Variants in ZFP64 observed in about 807,000 individuals in gnomAD.
ZFP64 encodes the protein zinc finger protein 64.
A neutral mutation model predicts 51.6 loss-of-function variants in ZFP64; 14 were observed. The observed-to-expected ratio is 0.27, with a 90% CI of 0.18 to 0.42. The LOEUF (loss-of-function observed/expected upper bound fraction) is 0.42. Ranked by LOEUF, ZFP64 falls within the 10% of genes least tolerant of loss-of-function variation. The probability of loss-of-function intolerance (pLI) is 1.00; values close to 1 mark genes in which losing one functional copy is unlikely to be tolerated. For missense variants in ZFP64, 754 were observed against 906.8 expected (o/e 0.83, Z 2.16); for synonymous variants, 375 against 361.4 (o/e 1.04, Z -0.43).
In ZFP64 at chr20:52,085,060, G is replaced by A. The variant is rs371226164; in HGVS notation, c.1435C>T (p.Arg479Trp). 1.9e-6 allele frequency: 3 copies of A among 1,614,192 alleles called. No homozygotes were observed. The highest frequency in any genetic ancestry group is 1.7e-6 in the Non-Finnish European group (2 of 1,180,020). ...CGGCTGTGCTCCAGGAGGTCAGCCC[G>A]GTCCCGGCCCTGGAAGGCACAGTGC... The change falls in exon 9 of 9, where the codon CGG becomes TGG. Residue 479 changes from arginine (R) to tryptophan (W), a missense_variant. Coordinates refer to the ZFP64 transcript ENST00000361387. This position sits in a 1 kb window ranked among gnomAD's most constrained non-coding sequence, Gnocchi z 4.3.
intron 1 of ZFP64, among the ~76,000 whole-genome samples, chr20:52,188,560 G>T (rs936738703): frequency 1.3e-4 from 20 of 150,964 alleles, no homozygotes; most frequent in Non-Finnish European, 2.2e-4. Flanking sequence ...TGATCTGCCC[G>T]CCTCAGCCTC....
At chr20:52,155,504 T>A (rs1981244789) in intron 5 of ZFP64, among the ~76,000 whole-genome samples, 1 of 152,320 alleles carries the variant, frequency 6.6e-6, no homozygotes, top group Non-Finnish European at 1.5e-5. Flanking sequence ...GTCAAAATTA[T>A]AGTGACAGTC....
At chr20:52,119,520 T>TAA (rs11409645) in intron 5 of ZFP64, among the ~76,000 whole-genome samples, 2,123 of 100,186 alleles carry the variant, frequency 0.021, 53 homozygotes, top group African/African-American at 0.049. Context: ...AGACTTCATC[T>TAA]AAAAAAAAAA....
intron 5 of ZFP64, among the ~76,000 whole-genome samples, chr20:52,099,671 A>G (rs893116255): frequency 1.3e-5 from 2 of 152,230 alleles, no homozygotes; most frequent in African/African-American, 4.8e-5. Context: ...ATGTTGAAAC[A>G]TTTACAAGTT....
Position 52,108,596 on chromosome 20 carries a change from C to A in ZFP64, c.764-10009G>T, listed in dbSNP as rs1600714892. Among the ~76,000 whole-genome samples, 2 of 151,850 alleles carry A rather than the reference C, an allele frequency of 1.3e-5. 1 individual carries two copies. The highest frequency in any genetic ancestry group is 1.3e-4 in the Admixed American group (2 of 15,240). On this transcript the variant is annotated intron_variant, in intron 5 of 8. Coordinates refer to the ZFP64 transcript ENST00000361387. ...CAATCTCAGCTCACTGCAACCTCCA[C>A]CTCCTGGGTTCAAGCAATTCTCCTT...
At chr20:52,104,415 G>C (rs1408291745) in intron 5 of ZFP64, among the ~76,000 whole-genome samples, 1 of 152,180 alleles carries the variant, frequency 6.6e-6, no homozygotes, top group Admixed American at 6.5e-5. Flanking sequence ...AGCCGAGGAG[G>C]GGGTGTGGGG....
At chr20:52,161,590 T>C (rs1470339501) in intron 4 of ZFP64, among the ~76,000 whole-genome samples, 1 of 152,128 alleles carries the variant, frequency 6.6e-6, no homozygotes, top group Non-Finnish European at 1.5e-5. Context: ...TATTTCACTG[T>C]ATGGATGTGC....
intron 5 of ZFP64, among the ~76,000 whole-genome samples, chr20:52,139,407 A>G (rs1980143628): frequency 6.6e-6 from 1 of 152,144 alleles, no homozygotes; most frequent in Non-Finnish European, 1.5e-5. Context: ...GGAACAGAAA[A>G]CCGAACACCA....
In ZFP64 at chr20:52,085,118, CGATTTGA is replaced by C; in HGVS notation, c.1370_1376del (p.Leu457ArgfsTer117). On this transcript the variant is annotated frameshift_variant, in exon 9 of 9. Transcript: ENST00000361387. LOFTEE classifies it high-confidence loss of function. The surrounding 1 kb of genome is among the most constrained non-coding windows in gnomAD (Gnocchi z 4.3). Reference sequence around the variant, plus strand: ...TGAAGGTGTGCTTGATGCGGATGTGCGATTTGAGATTCGCCTTCATGGTGCAGCGGAC... The same window carrying C: ...TGAAGGTGTGCTTGATGCGGATGTGCGATTCGCCTTCATGGTGCAGCGGAC... The C allele has an allele frequency of 6.2e-7, 1 of 1,614,226 alleles. No individual in the cohort carries two copies. Among genetic ancestry groups the C allele is most frequent in the Non-Finnish European group, 8.5e-7 (1 of 1,180,052 alleles).
chr20:52,162,799 T>A (rs4811304), intron 4 of ZFP64, among the ~76,000 whole-genome samples: 39,875 of 152,018 alleles, frequency 0.26, 5,418 homozygotes, highest in Admixed American at 0.31. Context: ...AGCTCAGTGG[T>A]TTTTGGCCAG....
chr20:52,160,424 G>A lies in ZFP64; in HGVS notation c.512-50C>T, dbSNP rs1981693254. Reference sequence around the variant, plus strand: ...GGCAGCAGGAAACAAGATTAAAAAAGGAAAAGGCTTATTTCCCACTGCCTT... The same window carrying A: ...GGCAGCAGGAAACAAGATTAAAAAAAGAAAAGGCTTATTTCCCACTGCCTT... On this transcript the variant is annotated intron_variant, in intron 4 of 5. Transcript: ENST00000216923. The surrounding 1 kb of genome is among the most constrained non-coding windows in gnomAD (Gnocchi z 4.2). 6.5e-7 allele frequency: 1 copy of A among 1,548,358 alleles called. No individual in the cohort carries two copies. The highest frequency in any genetic ancestry group is 2.3e-5 in the East Asian group (1 of 44,218).
chr20:52,152,295 C>A lies in ZFP64; in HGVS notation c.1897G>T (p.Asp633Tyr). The A allele has an allele frequency of 6.2e-7, 1 of 1,614,160 alleles. No individual in the cohort carries two copies. ...GCCACTGCGATGTTCTGGCCTCCAT[C>A]GCTCACCACTGTCACTTCTGCTGTC... ...EGTAEVTVVS[D>Y]GGQNIAVATT... Residue 633 changes from aspartate (D) to tyrosine (Y), a missense_variant, in exon 6 of 6, where the codon GAT becomes TAT. Asp to Tyr is a radical substitution (Grantham distance 160). Coordinates refer to ENST00000216923, the MANE Select transcript of ZFP64 (RefSeq NM_018197.3).
intron 6 of ZFP64, chr20:52,098,318 G>A (rs150010159): frequency 1.4e-6 from 2 of 1,394,314 alleles, no homozygotes; most frequent in Non-Finnish European, 2.0e-6. Context: ...TGCTGATGTA[G>A]ATACTGGCAT....
intron 2 of ZFP64, chr20:52,175,863 C>G (rs1983162123): frequency 1.3e-5 from 5 of 375,832 alleles, no homozygotes; most frequent in South Asian, 1.1e-4. Flanking sequence ...CCCCCGCTGC[C>G]GCCCCCGCCC....
intron 5 of ZFP64, among the ~76,000 whole-genome samples, chr20:52,131,176 AAAG>A (rs1176721176): frequency 2.0e-5 from 3 of 151,560 alleles, no homozygotes; most frequent in Non-Finnish European, 4.4e-5. Flanking sequence ...GAAGGAAAGA[AAAG>A]AAAGGGAGGA....
chr20:52,102,486 T>C (rs116107509), intron 5 of ZFP64, among the ~76,000 whole-genome samples: 1,640 of 152,222 alleles, frequency 0.011, 31 homozygotes, highest in African/African-American at 0.038. Context: ...TTTCAGCTCA[T>C]TGGAACCCAC....
chr20:52,130,819 T>C (rs12480406), intron 5 of ZFP64, among the ~76,000 whole-genome samples: 28,772 of 152,048 alleles, frequency 0.19, 3,114 homozygotes, highest in Admixed American at 0.26. Flanking sequence ...CTCATGCCTG[T>C]AATCTCAGCA....
Position 52,191,532 on chromosome 20 carries a change from C to CGGGCCCCGGAGCGCGCACT in ZFP64, c.46+40_46+58dup, listed in dbSNP as rs1169717074. 8.2e-5 allele frequency: 122 copies of CGGGCCCCGGAGCGCGCACT among 1,491,306 alleles called. No homozygotes were observed. The highest frequency in any genetic ancestry group is 2.9e-4 in the South Asian group (23 of 78,514). The allele number at this position is 1,491,306 out of a possible 1,614,324, so 92.4% of individuals were successfully genotyped here. A position where few individuals can be genotyped will look rare whatever the true frequency, so the allele number is the denominator to read the frequency against. On this transcript the variant is annotated intron_variant, in intron 1 of 5. Coordinates refer to ENST00000216923, the MANE Select transcript of ZFP64 (RefSeq NM_018197.3). The surrounding 1 kb of genome is among the most constrained non-coding windows in gnomAD (Gnocchi z 4.3). ...GCTGCGTCGCAGACGTGCTTGGGCCCGGGCCCCGGAGCGCGCACTGGGCCC... is the reference window on the plus strand; with the variant it reads ...GCTGCGTCGCAGACGTGCTTGGGCCCGGGCCCCGGAGCGCGCACTGGGCCCCGGAGCGCGCACTGGGCCC...
chr20:52,166,602 G>T (rs113047526), intron 2 of ZFP64, among the ~76,000 whole-genome samples: 1 of 151,970 alleles, frequency 6.6e-6, no homozygotes, highest in Non-Finnish European at 1.5e-5. Flanking sequence ...CTATAGGCAT[G>T]CACCACCATG....
Sources: gnomAD v4.1 joint callset for allele counts (sites outside exome capture counted in the v4.1 genomes callset) on GRCh38, gnomAD v4.1.1 for gene constraint, Gnocchi (gnomAD v3.1) non-coding constraint, MANE v1.5 for transcripts, NCBI Gene and HGNC (gene_info 2026-07-23, HGNC 2026-07-21) for gene names.